Variants in NFATC3 observed in about 807,000 individuals in gnomAD.
The protein encoded by NFATC3 is nuclear factor of activated T-cells, cytoplasmic 3.
NFATC3 carries 46 observed loss-of-function variants against 98.6 expected under a neutral mutation model. The ratio of observed to expected loss-of-function variants is 0.47; its 90% CI spans 0.37 to 0.60. The LOEUF (loss-of-function observed/expected upper bound fraction) is 0.60. Ranked by LOEUF, NFATC3 falls within the 20% of genes least tolerant of loss-of-function variation. The pLI is 0.00. For synonymous variants in NFATC3, 512 were observed against 472.2 expected, an observed-to-expected ratio of 1.08 and a Z score of -1.09; for missense variants, 1,256 against 1,295.5, an observed-to-expected ratio of 0.97 and a Z score of 0.47.
intron 6 of NFATC3, among the ~76,000 whole-genome samples, chr16:68,180,232 A>C (rs1412437622): frequency 6.6e-6 from 1 of 152,192 alleles, no homozygotes; most frequent in Non-Finnish European, 1.5e-5. Context: ...AGCAGATATA[A>C]CAGCTTTTCA....
intron 9 of NFATC3, among the ~76,000 whole-genome samples, chr16:68,211,958 A>G (rs1157112158): frequency 6.6e-6 from 1 of 152,214 alleles, no homozygotes; most frequent in East Asian, 1.9e-4. Flanking sequence ...ACAATCTGAA[A>G]GTACCACTGA....
chr16:68,093,093 T>A (rs893330367), intron 1 of NFATC3, among the ~76,000 whole-genome samples: 2 of 152,230 alleles, frequency 1.3e-5, no homozygotes, highest in Non-Finnish European at 2.9e-5. Flanking sequence ...CACCATTTTA[T>A]ATCTGTTACT....
intron 9 of NFATC3, among the ~76,000 whole-genome samples, chr16:68,196,204 C>T (rs990732080): frequency 4.6e-5 from 7 of 152,076 alleles, no homozygotes; most frequent in Admixed American, 3.9e-4. Context: ...ACTGCAACCT[C>T]TACCTACCAG....
chr16:68,193,958 A>G (rs2040551154), intron 9 of NFATC3, among the ~76,000 whole-genome samples: 1 of 152,158 alleles, frequency 6.6e-6, no homozygotes, highest in Non-Finnish European at 1.5e-5. Flanking sequence ...GGTATGGTAC[A>G]GGATGGTTTT....
At chr16:68,119,517 C>T (rs1008153489) in intron 1 of NFATC3, among the ~76,000 whole-genome samples, 1 of 152,116 alleles carries the variant, frequency 6.6e-6, no homozygotes, top group African/African-American at 2.4e-5. Context: ...CAGTTCAAGT[C>T]CCACTGGCCT....
chr16:68,178,481 T>C (rs1302566203), intron 6 of NFATC3, among the ~76,000 whole-genome samples: 5 of 152,206 alleles, frequency 3.3e-5, no homozygotes, highest in Admixed American at 6.5e-5. Flanking sequence ...AGTCTAGGCA[T>C]TGGGGACATA....
At chr16:68,193,311 CAG>C (rs533908819) in intron 9 of NFATC3, among the ~76,000 whole-genome samples, 15 of 151,994 alleles carry the variant, frequency 9.9e-5, no homozygotes, top group South Asian at 2.1e-4. Context: ...TCAGTGTACT[CAG>C]GGGATTGATT....
rs866485439 is a variant in NFATC3, at chr16:68,164,260, G to A, written c.1602-2583G>A. ...ACCAAAAAAATACGAAAACCAGTCA[G>A]GTGTGGCGGCGTGCGCCTGCAATCG... On this transcript the variant is annotated intron_variant, in intron 4 of 9. Coordinates refer to ENST00000346183, the MANE Select transcript of NFATC3 (RefSeq NM_173165.3). Among the ~76,000 whole-genome samples, 12 of 152,386 alleles carry A rather than the reference G, an allele frequency of 7.9e-5. No individual in the cohort carries two copies. In the South Asian group the frequency reaches 1.7e-3, roughly 21 times the overall value.
intron 6 of NFATC3, among the ~76,000 whole-genome samples, chr16:68,175,749 G>A (rs1598508386): frequency 6.6e-6 from 1 of 151,846 alleles, no homozygotes. Context: ...TGGTAGACAC[G>A]GGATTTTGCC....
chr16:68,132,656 A>G (rs1464861362), intron 3 of NFATC3, among the ~76,000 whole-genome samples: 1 of 152,254 alleles, frequency 6.6e-6, no homozygotes, highest in East Asian at 1.9e-4. Flanking sequence ...AAAATGTGAC[A>G]TATATGCACA....
chr16:68,135,118 C>A (rs774408828), intron 3 of NFATC3, among the ~76,000 whole-genome samples: 5 of 151,858 alleles, frequency 3.3e-5, no homozygotes, highest in Non-Finnish European at 7.4e-5. Context: ...CTTCATAGTG[C>A]CTTCAGAGTG....
At chr16:68,153,640 G>T (rs2038457960) in intron 3 of NFATC3, among the ~76,000 whole-genome samples, 1 of 152,032 alleles carries the variant, frequency 6.6e-6, no homozygotes, top group African/African-American at 2.4e-5. Flanking sequence ...TTGAGACAGA[G>T]TCTCGCTCTG....
rs58876674 is a variant in NFATC3, at chr16:68,208,728, CA to C, written c.3106+16964del. 1.7e-3 allele frequency among the ~76,000 whole-genome samples: 247 copies of C among 142,616 alleles called. 1 individual carries two copies. The highest frequency in any genetic ancestry group is 4.2e-3 in the African/African-American group (167 of 39,474). The allele number at this position is 142,616 out of a possible 152,430, so 93.6% of individuals were successfully genotyped here. A position where few individuals can be genotyped will look rare whatever the true frequency, so the allele number is the denominator to read the frequency against. ...CTGAGACTCCGTCTCAAAAACAAACCAAAAAAAAAAACCCCAAAACAAGAAT... is the reference window on the plus strand; with the variant it reads ...CTGAGACTCCGTCTCAAAAACAAACCAAAAAAAAAACCCCAAAACAAGAAT... On this transcript the variant is annotated intron_variant, in intron 9 of 9. Coordinates refer to ENST00000346183, the MANE Select transcript of NFATC3 (RefSeq NM_173165.3).
intron 9 of NFATC3, among the ~76,000 whole-genome samples, chr16:68,213,313 G>C (rs1017272368): frequency 1.3e-5 from 2 of 151,490 alleles, no homozygotes; most frequent in African/African-American, 4.8e-5. Context: ...TACTCAGGAG[G>C]CTGAGGCAGG....
chr16:68,218,471 C>T (rs1210797364), intron 9 of NFATC3, among the ~76,000 whole-genome samples: 2 of 135,562 alleles, frequency 1.5e-5, no homozygotes, highest in African/African-American at 2.8e-5. Context: ...GAGCCAAGAT[C>T]GTGCCACTGC....
rs201984842 is a variant in NFATC3 at position 68,191,454 on chromosome 16, G to A, written c.2785G>A (p.Ala929Thr). 2.5e-6 allele frequency: 4 copies of A among 1,614,044 alleles called. No homozygotes were observed. In the African/African-American group the frequency reaches 5.3e-5, roughly 22 times the overall value. Residue 929 changes from alanine to threonine, a missense_variant, in exon 9 of 10, where the codon GCA becomes ACA. This residue lies in a region of NFATC3 where 636 missense variants were observed against 617.3 expected (regional missense o/e 1.03). Transcript: ENST00000346183. ...HSGSATTASP[A>T]ASHPLASSPL... ...AGGGTCTGCTACAACAGCTTCCCCA[G>A]CAGCTTCTCATCCCTTGGCTAGTTC... is the stretch of plus-strand genomic sequence containing the variant.
intron 3 of NFATC3, among the ~76,000 whole-genome samples, chr16:68,156,935 T>C (rs73610294): frequency 0.013 from 1,988 of 151,818 alleles, 41 homozygotes; most frequent in African/African-American, 0.045. Context: ...CGAGACACTG[T>C]CTCAAAAAAA....
chr16:68,191,879 T>C, intron 9 of NFATC3, 104 bp downstream of exon 9: 1 of 1,245,446 alleles, frequency 8.0e-7, no homozygotes. Context: ...GGCATATGGT[T>C]GGGCTTTTAA....
At chr16:68,159,909 T>A (rs1265751187) in intron 4 of NFATC3, among the ~76,000 whole-genome samples, 1 of 151,100 alleles carries the variant, frequency 6.6e-6, no homozygotes, top group Non-Finnish European at 1.5e-5. Context: ...GAAACCCGTC[T>A]CTGCTAAAAA....
Sources: gnomAD v4.1 joint callset for allele counts (sites outside exome capture counted in the v4.1 genomes callset) on GRCh38, gnomAD v4.1.1 for gene constraint, gnomAD v4.1.1 regional missense constraint, MANE v1.5 for transcripts, NCBI Gene and HGNC (gene_info 2026-07-23, HGNC 2026-07-21) for gene names.